ECE2: variants seen among roughly 807,000 people sequenced by gnomAD.
ECE2 encodes endothelin converting enzyme 2.
Under a neutral mutation model 100.6 loss-of-function variants are expected in ECE2, and 81 were observed. The ratio of observed to expected loss-of-function variants is 0.81; its 90% CI spans 0.67 to 0.97. The LOEUF (loss-of-function observed/expected upper bound fraction) is 0.97. ECE2 is among the 50% of genes least tolerant of loss of function. The probability of loss-of-function intolerance (pLI) is 0.00; values close to 1 mark genes in which losing one functional copy is unlikely to be tolerated. For missense variants in ECE2, 911 were observed against 988.1 expected, an observed-to-expected ratio of 0.92 and a Z score of 1.05; for synonymous variants, 391 against 391.5, an observed-to-expected ratio of 1.00 and a Z score of 0.02.
At chr3:184,280,403 A>C (rs1379332056) in intron 7 of ECE2, among the ~76,000 whole-genome samples, 1 of 152,206 alleles carries the variant, frequency 6.6e-6, no homozygotes, top group Non-Finnish European at 1.5e-5. Flanking sequence ...ATGCTCAATC[A>C]GAGTGTGGGA....
chr3:184,291,993 C>T lies in ECE2; in HGVS notation c.2122-69C>T, dbSNP rs1429338304. On this transcript the variant is annotated intron_variant, in intron 18 of 18. Coordinates refer to ENST00000404464, the MANE Select transcript of ECE2 (RefSeq NM_001100121.2). This position sits in a 1 kb window ranked among gnomAD's most constrained non-coding sequence, Gnocchi z 4.1. ...GTGGTGGTTTGTGCCCCTGGGATGG[C>T]TGTAGCTGACTCTAAGGCCCGGCTC... 18 of 1,530,300 alleles carry T rather than the reference C, an allele frequency of 1.2e-5. No individual in the cohort carries two copies. Among genetic ancestry groups the T allele is most frequent in the Non-Finnish European group, 1.6e-5 (18 of 1,129,096 alleles). 94.8% of individuals were successfully genotyped at this position (1,530,300 alleles called of 1,614,324 possible). A position where few individuals can be genotyped will look rare whatever the true frequency, so the allele number is the denominator to read the frequency against.
rs1416401740 is a variant in ECE2 at position 184,290,371 on chromosome 3, G to C, written c.1655+13G>C. On this transcript the variant is annotated intron_variant, in intron 14 of 18. Coordinates refer to ENST00000404464, the MANE Select transcript of ECE2 (RefSeq NM_001100121.2). ...CCAGCCGAGACCAGTGAGAATGACG[G>C]GGTGGACATAGACACTAGGGGTGGC... The C allele has an allele frequency of 6.2e-7, 1 of 1,612,540 alleles. No individual in the cohort carries two copies. Among genetic ancestry groups the C allele is most frequent in the Admixed American group, 1.7e-5 (1 of 59,970 alleles).
Position 184,291,148 on chromosome 3 carries a change from A to G in ECE2, c.1943A>G (p.Gln648Arg), listed in dbSNP as rs765727044. Reference protein sequence around the residue: ...ACMEEQYNQYQVNGERLNGRQ... With the variant: ...ACMEEQYNQYRVNGERLNGRQ... Reference sequence around the variant, plus strand: ...ATGGAGGAACAGTACAATCAATACCAGGTCAATGGGGAGAGGCTCAACGGC... The same window carrying G: ...ATGGAGGAACAGTACAATCAATACCGGGTCAATGGGGAGAGGCTCAACGGC... The change falls in exon 17 of 19, where the codon CAG becomes CGG. Residue 648 changes from glutamine to arginine, a missense_variant. Physicochemically the swap from Gln to Arg is conservative, Grantham distance 43. Coordinates refer to ENST00000404464, the MANE Select transcript of ECE2 (RefSeq NM_001100121.2). The surrounding 1 kb of genome is among the most constrained non-coding windows in gnomAD (Gnocchi z 4.1). 6.2e-7 allele frequency: 1 copy of G among 1,613,702 alleles called. No individual in the cohort carries two copies. The highest frequency in any genetic ancestry group is 2.2e-5 in the East Asian group (1 of 44,890).
rs1250316784 is a variant in ECE2 at position 184,291,590 on chromosome 3, A to G, written c.2121+151A>G. The stretch of plus-strand genomic sequence containing the variant: ...AGGTGGGCTGGGAAGGCCCATGCCC[A>G]GAGCCTCCGGCCAGCCAGGGCCCAC... On this transcript the variant is annotated intron_variant, in intron 18 of 18. Transcript: ENST00000404464. The surrounding 1 kb of genome is among the most constrained non-coding windows in gnomAD (Gnocchi z 4.1). 7.8e-6 allele frequency: 6 copies of G among 764,694 alleles called. No individual in the cohort carries two copies. Among genetic ancestry groups the G allele is most frequent in the Non-Finnish European group, 1.0e-5 (5 of 499,882 alleles). 47.4% of individuals were successfully genotyped at this position (764,694 alleles called of 1,614,324 possible). A position where few individuals can be genotyped will look rare whatever the true frequency, so the allele number is the denominator to read the frequency against.
Position 184,276,918 on chromosome 3 carries a change from G to A in ECE2, c.153G>A (p.Gln51=). 1.2e-6 allele frequency: 2 copies of A among 1,614,196 alleles called. No homozygotes were observed. The highest frequency in any genetic ancestry group is 1.1e-5 in the South Asian group (1 of 91,092). ...TGGGATTCCAGAAGGGGACAAGACA[G>A]CTGTTAGGCTCACGCACGCAGCTGG... ...MEVGFQKGTR[Q]LLGSRTQLEL... Residue 51 remains glutamine (Q), a synonymous_variant, in exon 3 of 19, where the codon CAG becomes CAA. Coordinates refer to ENST00000404464, the MANE Select transcript of ECE2 (RefSeq NM_001100121.2).
chr3:184,278,617 T>G (rs1720680422), intron 7 of ECE2, 60 bp downstream of exon 7: 1 of 1,590,444 alleles, frequency 6.3e-7, no homozygotes, highest in South Asian at 1.1e-5. Flanking sequence ...TGATCCCTGT[T>G]GACTTTTCCC....
chr3:184,280,977 T>C (rs1199239591), intron 7 of ECE2, among the ~76,000 whole-genome samples: 3 of 139,798 alleles, frequency 2.1e-5, no homozygotes, highest in Non-Finnish European at 4.6e-5. Context: ...AGACTCTGTC[T>C]CAAAAAAAAA....
chr3:184,285,208 A>C (rs551886043), intron 9 of ECE2, 103 bp downstream of exon 9: 9 of 1,449,302 alleles, frequency 6.2e-6, no homozygotes, highest in South Asian at 5.4e-5. Flanking sequence ...TGGTAATGCT[A>C]TGGGCCTTCC....
At chr3:184,284,542 C>CAAAAA (rs35701535) in intron 8 of ECE2, among the ~76,000 whole-genome samples, 1 of 66,398 alleles carries the variant, frequency 1.5e-5, no homozygotes. Flanking sequence ...AACTCCATCT[C>CAAAAA]AAAAAAAAAA....
Position 184,283,819 on chromosome 3 carries a change from T to G in ECE2, c.851T>G (p.Leu284Arg). The G allele has an allele frequency of 6.2e-7, 1 of 1,613,776 alleles. No individual in the cohort carries two copies. The highest frequency in any genetic ancestry group is 1.3e-5 in the African/African-American group (1 of 74,918). Residue 284 changes from leucine (L) to arginine (R), a missense_variant, in exon 8 of 19, where the codon CTG becomes CGG. Leu to Arg is a moderately radical substitution (Grantham distance 102). Coordinates refer to ENST00000404464, the MANE Select transcript of ECE2 (RefSeq NM_001100121.2). ...GCCTATCTGGATTACATGGAGGAACTGGGGATGCTGCTGGGTGGGCGGCCC... is the reference window on the plus strand; with the variant it reads ...GCCTATCTGGATTACATGGAGGAACGGGGGATGCTGCTGGGTGGGCGGCCC... ...LTAYLDYMEELGMLLGGRPTS... is the reference protein window; with the variant it reads ...LTAYLDYMEERGMLLGGRPTS...
chr3:184,287,011 T>A (rs898388748), intron 10 of ECE2, among the ~76,000 whole-genome samples: 2 of 151,764 alleles, frequency 1.3e-5, no homozygotes, highest in African/African-American at 2.4e-5. Context: ...CCGTAGCTCA[T>A]GCCTGTAATC....
In ECE2 at chr3:184,292,438, G is replaced by A. The variant is rs1721374962; in HGVS notation, c.*200G>A. On this transcript the variant is annotated 3_prime_UTR_variant, in exon 19 of 19. Transcript: ENST00000404464. ...TTTGGGGGTGCCCCTGCCTCCAGCA[G>A]AGCCCCCACCATTCACTGTGACATC... 3.3e-6 allele frequency: 2 copies of A among 615,242 alleles called. No homozygotes were observed. Among genetic ancestry groups the A allele is most frequent in the Non-Finnish European group, 5.7e-6 (2 of 353,218 alleles). 38.1% of individuals were successfully genotyped at this position (615,242 alleles called of 1,614,324 possible).
rs1012944523 is a variant in ECE2, at chr3:184,291,601, C to T, written c.2121+162C>T. 5 of 666,456 alleles carry T rather than the reference C, an allele frequency of 7.5e-6. No individual in the cohort carries two copies. Among genetic ancestry groups the T allele is most frequent in the African/African-American group, 7.4e-5 (4 of 54,084 alleles). 41.3% of individuals were successfully genotyped at this position (666,456 alleles called of 1,614,324 possible). On this transcript the variant is annotated intron_variant, in intron 18 of 18. Coordinates refer to ENST00000404464, the MANE Select transcript of ECE2 (RefSeq NM_001100121.2). The surrounding 1 kb of genome is among the most constrained non-coding windows in gnomAD (Gnocchi z 4.1). ...GAAGGCCCATGCCCAGAGCCTCCGG[C>T]CAGCCAGGGCCCACAAAGGCAGCCT... is the stretch of plus-strand genomic sequence containing the variant.
In ECE2 at chr3:184,277,462, G is replaced by A. The variant is rs1459773295; in HGVS notation, c.474G>A (p.Leu158=). The change falls in exon 4 of 19, where the codon CTG becomes CTA. Residue 158 remains leucine, a synonymous_variant. Coordinates refer to ENST00000404464, the MANE Select transcript of ECE2 (RefSeq NM_001100121.2). ...AAAACCAGGCCATACTGAAGCACCT[G>A]CTTGGTGAGTGGGGCTGTTAGGGAG... The part of the protein sequence containing the change: ...WDQNQAILKH[L]LENTTFNSSS... The A allele has an allele frequency of 1.2e-6, 2 of 1,613,896 alleles. No homozygotes were observed. The highest frequency in any genetic ancestry group is 2.7e-5 in the African/African-American group (2 of 74,954).
chr3:184,283,913 C>G lies in ECE2; in HGVS notation c.945C>G (p.Pro315=). 6.2e-7 allele frequency: 1 copy of G among 1,613,920 alleles called. No individual in the cohort carries two copies. The highest frequency in any genetic ancestry group is 1.1e-5 in the South Asian group (1 of 91,068). Residue 315 remains proline, a synonymous_variant, in exon 8 of 19, where the codon CCC becomes CCG. Coordinates refer to ENST00000404464, the MANE Select transcript of ECE2 (RefSeq NM_001100121.2). ...LEIQLANITV[P]QDQRRDEEKI... is the part of the protein sequence containing the mutation. ...TACAGCTGGCCAACATCACAGTGCC[C>G]CAGGACCAGCGGCGCGACGAGGAGA...
At position 184,289,551 on chromosome 3, in the gene ECE2, G is replaced by C. The variant is rs1320551585; in HGVS notation, c.1473+16G>C. 6.2e-7 allele frequency: 1 copy of C among 1,613,792 alleles called. No homozygotes were observed. Among genetic ancestry groups the C allele is most frequent in the Admixed American group, 1.7e-5 (1 of 59,958 alleles). On this transcript the variant is annotated intron_variant, in intron 12 of 18. Transcript: ENST00000404464. This position sits in a 1 kb window ranked among gnomAD's most constrained non-coding sequence, Gnocchi z 4.1. Reference sequence around the variant, plus strand: ...CAAGGAGAAAGTGAGCGGTGGCTAGGGTTGGGGCGCCATCTTGAGGTGGGG... The same window carrying C: ...CAAGGAGAAAGTGAGCGGTGGCTAGCGTTGGGGCGCCATCTTGAGGTGGGG...
intron 11 of ECE2, 22 bp downstream of exon 11, chr3:184,287,969 A>C (rs1560186828): frequency 6.2e-7 from 1 of 1,604,082 alleles, no homozygotes. Context: ...AGATTCTTTC[A>C]ACACTATGCC....
At position 184,286,935 on chromosome 3, in the gene ECE2, T is replaced by A. The variant is rs372848752; in HGVS notation, c.1264-902T>A. 1.5e-4 allele frequency among the ~76,000 whole-genome samples: 22 copies of A among 151,660 alleles called. No individual in the cohort carries two copies. The South Asian group carries it at 2.1e-3, about 14-fold the overall frequency. On this transcript the variant is annotated intron_variant, in intron 10 of 18. Coordinates refer to ENST00000404464, the MANE Select transcript of ECE2 (RefSeq NM_001100121.2). ...ATAGTGTTATAGGTCAGGGAAGTGG[T>A]AATCATTTTCCCCGTCCACTTGAGT...
In ECE2 at chr3:184,292,340, G is replaced by A; in HGVS notation, c.*102G>A. ...TTGGGAGGAAGCAAATGCAAGCTGG[G>A]CTGGGTCTAGTCCCTCCCCCCCACA... On this transcript the variant is annotated 3_prime_UTR_variant, in exon 19 of 19. Coordinates refer to ENST00000404464, the MANE Select transcript of ECE2 (RefSeq NM_001100121.2). 1.4e-6 allele frequency: 2 copies of A among 1,393,664 alleles called. No individual in the cohort carries two copies. The highest frequency in any genetic ancestry group is 2.0e-6 in the Non-Finnish European group (2 of 1,009,292). The allele number at this position is 1,393,664 out of a possible 1,614,324, so 86.3% of individuals were successfully genotyped here.
Sources: allele counts gnomAD v4.1 joint callset (sites outside exome capture counted in the v4.1 genomes callset), GRCh38; gene constraint gnomAD v4.1.1; non-coding constraint Gnocchi (gnomAD v3.1); transcripts MANE v1.5; gene names NCBI Gene and HGNC (gene_info 2026-07-23, HGNC 2026-07-21).